CA13: variants seen among roughly 807,000 people sequenced by gnomAD.
CA13 encodes carbonic anhydrase 13.
A neutral mutation model predicts 31.5 loss-of-function variants in CA13; 21 were observed. That is an observed-to-expected ratio of 0.67 (90% CI 0.47 to 0.96). The LOEUF (loss-of-function observed/expected upper bound fraction) is 0.96, where lower values mean the gene tolerates loss of function less well. CA13 is among the 40% of genes least tolerant of loss of function. The probability of loss-of-function intolerance (pLI) is 0.00; values close to 1 mark genes in which losing one functional copy is unlikely to be tolerated. For synonymous variants in CA13, 117 were observed against 111.4 expected, an observed-to-expected ratio of 1.05 and a Z score of -0.32; for missense variants, 315 against 318.9, an observed-to-expected ratio of 0.99 and a Z score of 0.09.
intron 1 of CA13, chr8:85,246,474 GC>G (rs1813732777): frequency 2.2e-6 from 1 of 455,882 alleles, no homozygotes; most frequent in Admixed American, 2.4e-5. Context: ...TCAGGTTCTC[GC>G]TGGGAAATTA....
intron 2 of CA13, among the ~76,000 whole-genome samples, chr8:85,256,856 G>T (rs1807305920): frequency 6.6e-6 from 1 of 152,174 alleles, no homozygotes; most frequent in African/African-American, 2.4e-5. Context: ...TATGCTCTGA[G>T]TAAAATAAGC....
At chr8:85,276,490 C>CA (rs1446410665) in intron 6 of CA13, among the ~76,000 whole-genome samples, 1 of 152,260 alleles carries the variant, frequency 6.6e-6, no homozygotes, top group Non-Finnish European at 1.5e-5. Flanking sequence ...AGCTGGGCTC[C>CA]TGAGTCTGGT....
Position 85,245,728 on chromosome 8 carries a change from C to T in CA13, c.-101C>T. 1.4e-6 allele frequency: 2 copies of T among 1,404,968 alleles called. No individual in the cohort carries two copies. The highest frequency in any genetic ancestry group is 2.0e-6 in the Non-Finnish European group (2 of 997,108). The allele number at this position is 1,404,968 out of a possible 1,614,324, so 87.0% of individuals were successfully genotyped here. A position where few individuals can be genotyped will look rare whatever the true frequency, so the allele number is the denominator to read the frequency against. On this transcript the variant is annotated 5_prime_UTR_variant, in exon 1 of 7. Transcript: ENST00000321764. ...TCTCGCACTCCTGCCGCCGGCGCCCCGCGGTCCCGCCCTAGCAGGCTCCTT... is the reference window on the plus strand; with the variant it reads ...TCTCGCACTCCTGCCGCCGGCGCCCTGCGGTCCCGCCCTAGCAGGCTCCTT...
chr8:85,274,323 G>A (rs1179540489), intron 6 of CA13, among the ~76,000 whole-genome samples: 1 of 152,160 alleles, frequency 6.6e-6, no homozygotes, highest in African/African-American at 2.4e-5. Flanking sequence ...GCTGTAGCAG[G>A]AGCACCGTCT....
rs1807713135 is a variant in CA13 at position 85,281,836 on chromosome 8, A to C, written c.*487A>C. On this transcript the variant is annotated 3_prime_UTR_variant, in exon 7 of 7. Coordinates refer to ENST00000321764, the MANE Select transcript of CA13 (RefSeq NM_198584.3). ...CCCAGCTGACCCAGAGCTCTTTACT[A>C]ACTTATCTGTCTCTTATTTGCACTC... 1 of 152,904 alleles carries C rather than the reference A, an allele frequency of 6.5e-6. No individual in the cohort carries two copies. Among genetic ancestry groups the C allele is most frequent in the Non-Finnish European group, 1.5e-5 (1 of 68,538 alleles). The allele number at this position is 152,904 out of a possible 1,614,324, so 9.5% of individuals were successfully genotyped here.
intron 3 of CA13, among the ~76,000 whole-genome samples, chr8:85,262,605 A>ATTCT: frequency 6.6e-6 from 1 of 152,294 alleles, no homozygotes; most frequent in African/African-American, 2.4e-5. Flanking sequence ...TATGAAGGTG[A>ATTCT]TTCTAAGTGC....
chr8:85,280,707 A>G (rs571441360), intron 6 of CA13, among the ~76,000 whole-genome samples: 1 of 152,372 alleles, frequency 6.6e-6, no homozygotes, highest in East Asian at 1.9e-4. Flanking sequence ...AATAAGTGAT[A>G]TTAAACCACC....
Position 85,245,650 on chromosome 8 carries a change from C to G in CA13, c.-179C>G. On this transcript the variant is annotated 5_prime_UTR_variant, in exon 1 of 7. Coordinates refer to ENST00000321764, the MANE Select transcript of CA13 (RefSeq NM_198584.3). ...CAGCGGCGCGGGCGCCTTCCCCGCA[C>G]GCCTCTGCCGTCTGGAGGACGCAGG... is the stretch of plus-strand genomic sequence containing the variant. The G allele has an allele frequency of 1.5e-6, 1 of 657,552 alleles. No individual in the cohort carries two copies. The highest frequency in any genetic ancestry group is 1.8e-5 in the South Asian group (1 of 55,072). 40.7% of individuals were successfully genotyped at this position (657,552 alleles called of 1,614,324 possible).
chr8:85,272,609 A>G (rs527586284), intron 6 of CA13, among the ~76,000 whole-genome samples: 2 of 152,278 alleles, frequency 1.3e-5, no homozygotes, highest in South Asian at 4.1e-4. Flanking sequence ...GATATATTAT[A>G]TTTTTAAAAA....
chr8:85,263,285 A>G (rs1807410042), intron 3 of CA13, among the ~76,000 whole-genome samples: 1 of 152,200 alleles, frequency 6.6e-6, no homozygotes, highest in Non-Finnish European at 1.5e-5. Flanking sequence ...GGGCATTGTA[A>G]GCAGTCTGAA....
rs1243454224 is a variant in CA13, at chr8:85,283,047, C to T, written c.*1698C>T. 11 of 152,164 alleles carry T rather than the reference C, an allele frequency of 7.2e-5. No homozygotes were observed. The highest frequency in any genetic ancestry group is 6.5e-4 in the Admixed American group (10 of 15,274). The allele number at this position is 152,164 out of a possible 1,614,324, so 9.4% of individuals were successfully genotyped here. On this transcript the variant is annotated 3_prime_UTR_variant, in exon 7 of 7. Coordinates refer to ENST00000321764, the MANE Select transcript of CA13 (RefSeq NM_198584.3). The stretch of plus-strand genomic sequence containing the variant: ...TCAAATGATTCTCCTGCCTCAGCCT[C>T]TTGAGTGGCTGGGATTACAGGCACA...
intron 6 of CA13, among the ~76,000 whole-genome samples, chr8:85,278,670 G>C (rs1216948985): frequency 6.6e-6 from 1 of 152,184 alleles, no homozygotes; most frequent in South Asian, 2.1e-4. Context: ...TCGGAGAATG[G>C]ATGGAAAAAT....
intron 3 of CA13, among the ~76,000 whole-genome samples, chr8:85,266,127 T>A (rs1337208922): frequency 6.6e-6 from 1 of 152,186 alleles, no homozygotes. Context: ...TCCAGTTACT[T>A]GGGAGCAATA....
At chr8:85,256,018 T>C (rs1400459702) in intron 2 of CA13, among the ~76,000 whole-genome samples, 5 of 149,364 alleles carry the variant, frequency 3.3e-5, no homozygotes, top group African/African-American at 9.9e-5. Context: ...GCTCAATACA[T>C]GTGTGTTTAA....
Position 85,281,216 on chromosome 8 carries a change from T to C in CA13, c.670-14T>C. The C allele has an allele frequency of 1.2e-6, 2 of 1,610,246 alleles. No individual in the cohort carries two copies. The highest frequency in any genetic ancestry group is 1.7e-6 in the Non-Finnish European group (2 of 1,177,000). On this transcript the variant is annotated splice_polypyrimidine_tract_variant and intron_variant, in intron 6 of 6. Coordinates refer to ENST00000321764, the MANE Select transcript of CA13 (RefSeq NM_198584.3). Reference sequence around the variant, plus strand: ...AATTTCTATGCTGAAGCTAACTCTTTTCTTCTTCTACAGCTGGCCAAATTT... The same window carrying C: ...AATTTCTATGCTGAAGCTAACTCTTCTCTTCTTCTACAGCTGGCCAAATTT...
chr8:85,261,207 G>T (rs972270617), intron 3 of CA13, among the ~76,000 whole-genome samples: 17 of 152,062 alleles, frequency 1.1e-4, no homozygotes, highest in Non-Finnish European at 1.9e-4. Context: ...AATTTATAAT[G>T]CAAATTTCAC....
At position 85,263,487 on chromosome 8, in the gene CA13, G is replaced by T. The variant is rs548436241; in HGVS notation, c.355-3121G>T. 5.3e-5 allele frequency among the ~76,000 whole-genome samples: 8 copies of T among 152,304 alleles called. No individual in the cohort carries two copies. In the East Asian group the frequency reaches 1.5e-3, roughly 29 times the overall value. On this transcript the variant is annotated intron_variant, in intron 3 of 6. Transcript: ENST00000321764. ...TCAAGTGAGCAGTGACAGTAATTTG[G>T]ACTCTGGGGGTGGTGGAGACGAAGA...
In CA13 at chr8:85,250,937, G is replaced by A. The variant is rs759203734; in HGVS notation, c.235G>A (p.Val79Ile). 2.5e-6 allele frequency: 4 copies of A among 1,613,000 alleles called. No homozygotes were observed. The highest frequency in any genetic ancestry group is 2.2e-5 in the East Asian group (1 of 44,868). The change falls in exon 2 of 7, where the codon GTT becomes ATT. Residue 79 changes from valine (V) to isoleucine (I), a missense_variant and splice_region_variant. Transcript: ENST00000321764. ...VDFDDTENKS[V>I]LRGGPLTGSY... ...CTTTGATGACACAGAGAACAAATCA[G>A]GTTGGCTTTTCTTTTTTTGTGTGTG...
intron 6 of CA13, among the ~76,000 whole-genome samples, chr8:85,276,952 A>T (rs551300250): frequency 1.3e-5 from 2 of 151,734 alleles, no homozygotes; most frequent in Admixed American, 6.6e-5. Flanking sequence ...GAATGCACCA[A>T]TCGACACTCT....
Sources: allele counts gnomAD v4.1 joint callset (sites outside exome capture counted in the v4.1 genomes callset), GRCh38; gene constraint gnomAD v4.1.1; transcripts MANE v1.5; gene names NCBI Gene and HGNC (gene_info 2026-07-23, HGNC 2026-07-21).